The following ASCC3 variants were observed in gnomAD, a reference collection of about 807,000 sequenced individuals.
ASCC3 encodes the protein activating signal cointegrator 1 complex subunit 3.
In ASCC3, 158 loss-of-function variants were observed where a neutral mutation model predicts 256.3. The ratio of observed to expected loss-of-function variants is 0.62; its 90% confidence interval spans 0.54 to 0.70. The LOEUF is 0.70. Among genes scored for constraint, ASCC3 ranks in the 30% least tolerant of loss-of-function variants. The probability of loss-of-function intolerance (pLI) is 0.00; values close to 1 mark genes in which losing one functional copy is unlikely to be tolerated. For missense variants in ASCC3, 2,259 were observed against 2,626.0 expected (o/e 0.86, Z 3.05); for synonymous variants, 948 against 883.4 (o/e 1.07, Z -1.30).
rs1166640375 is a variant in ASCC3, at chr6:100,516,220, G to C, written c.6035C>G (p.Ser2012Cys). 6.2e-7 allele frequency: 1 copy of C among 1,613,478 alleles called. No homozygotes were observed. The highest frequency in any genetic ancestry group is 1.1e-5 in the South Asian group (1 of 91,050). Residue 2012 changes from serine to cysteine, a missense_variant, in exon 39 of 42, where the codon TCC becomes TGC. This residue lies in a region of ASCC3 where 1,839 missense variants were observed against 2,206.7 expected (regional missense o/e 0.83). Coordinates refer to ENST00000369162, the MANE Select transcript of ASCC3 (RefSeq NM_006828.4). ...AGCATGTAGCTCACTTTCTACCATG[G>C]AGCTAAATACATGGTCTTTCCCTCC... ...ACGGKDHVFS[S>C]MVESELHAAK... is the part of the protein sequence containing the mutation.
At chr6:100,600,205 G>A (rs28670152) in intron 34 of ASCC3, among the ~76,000 whole-genome samples, 9 of 145,872 alleles carry the variant, frequency 6.2e-5, no homozygotes, top group South Asian at 2.2e-4. Context: ...ACATGCACAT[G>A]CACACACACA....
chr6:100,815,304 T>C (rs971630596), intron 4 of ASCC3, among the ~76,000 whole-genome samples: 4 of 152,108 alleles, frequency 2.6e-5, no homozygotes, highest in Admixed American at 1.3e-4. Context: ...TGCTCATGGA[T>C]TGGAAGAATC....
intron 10 of ASCC3, among the ~76,000 whole-genome samples, chr6:100,751,287 A>C (rs1780926336): frequency 6.6e-6 from 1 of 152,050 alleles, no homozygotes; most frequent in Non-Finnish European, 1.5e-5. Context: ...AATTAAATTA[A>C]ATTTCTATCA....
intron 13 of ASCC3, among the ~76,000 whole-genome samples, chr6:100,684,964 G>A (rs1418084706): frequency 2.0e-5 from 3 of 151,854 alleles, no homozygotes; most frequent in South Asian, 4.2e-4. Context: ...CCGCCACCAC[G>A]CCCGGCTAAT....
chr6:100,549,543 T>G (rs1025690765), intron 36 of ASCC3, among the ~76,000 whole-genome samples: 3 of 151,896 alleles, frequency 2.0e-5, no homozygotes, highest in African/African-American at 7.2e-5. Flanking sequence ...AAGACAGTGC[T>G]ATTATTCTTG....
intron 8 of ASCC3, among the ~76,000 whole-genome samples, chr6:100,769,179 G>C (rs946816313): frequency 6.6e-6 from 1 of 151,952 alleles, no homozygotes; most frequent in Non-Finnish European, 1.5e-5. Context: ...TCATCTCATC[G>C]AAGTAGAGAG....
At chr6:100,698,097 A>G (rs1270528393) in intron 13 of ASCC3, among the ~76,000 whole-genome samples, 2 of 152,128 alleles carry the variant, frequency 1.3e-5, no homozygotes, top group East Asian at 1.9e-4. Flanking sequence ...ATTTGCAAGG[A>G]GGAAACTGAA....
rs1170975680 is a variant in ASCC3, at chr6:100,638,825, A to G, written c.3902-4T>C. 6.2e-7 allele frequency: 1 copy of G among 1,613,064 alleles called. No individual in the cohort carries two copies. Among genetic ancestry groups the G allele is most frequent in the Non-Finnish European group, 8.5e-7 (1 of 1,179,144 alleles). On this transcript the variant is annotated splice_polypyrimidine_tract_variant and splice_region_variant and intron_variant, in intron 24 of 41. Coordinates refer to ENST00000369162, the MANE Select transcript of ASCC3 (RefSeq NM_006828.4). ...AAAGGCTGAAGATCCAGTAATTCTG[A>G]AAAGACCCAACAGGATGGCTATACG...
intron 24 of ASCC3, among the ~76,000 whole-genome samples, chr6:100,641,021 A>T (rs1037667670): frequency 6.6e-6 from 1 of 152,178 alleles, no homozygotes; most frequent in African/African-American, 2.4e-5. Flanking sequence ...CTATAAATTA[A>T]GGCCCTCTTA....
intron 13 of ASCC3, among the ~76,000 whole-genome samples, chr6:100,702,629 G>T (rs1157359446): frequency 1.3e-5 from 2 of 152,064 alleles, no homozygotes; most frequent in Non-Finnish European, 2.9e-5. Context: ...GGTAGAGAAG[G>T]AAAATGCTAT....
intron 30 of ASCC3, among the ~76,000 whole-genome samples, chr6:100,615,175 C>T (rs1028616900): frequency 6.6e-6 from 1 of 152,058 alleles, no homozygotes; most frequent in Non-Finnish European, 1.5e-5. Flanking sequence ...GCCACCACAC[C>T]TGGGCCAGGC....
intron 10 of ASCC3, among the ~76,000 whole-genome samples, chr6:100,736,911 G>A (rs1053611537): frequency 2.6e-4 from 39 of 152,178 alleles, no homozygotes; most frequent in African/African-American, 9.4e-4. Context: ...ACTTTGGGAG[G>A]CTGAGGCAGG....
intron 22 of ASCC3, among the ~76,000 whole-genome samples, chr6:100,645,040 C>A (rs560906291): frequency 6.6e-6 from 1 of 152,270 alleles, no homozygotes; most frequent in African/African-American, 2.4e-5. Context: ...TCGTCCTTAA[C>A]TCAGCTTGAG....
intron 4 of ASCC3, among the ~76,000 whole-genome samples, chr6:100,815,038 T>C (rs1562316425): frequency 6.6e-6 from 1 of 152,086 alleles, no homozygotes; most frequent in South Asian, 2.1e-4. Flanking sequence ...GGTTGTTAAA[T>C]TGAGATCTTT....
intron 40 of ASCC3, among the ~76,000 whole-genome samples, chr6:100,510,978 A>AT (rs949302375): frequency 5.3e-5 from 8 of 152,160 alleles, no homozygotes; most frequent in African/African-American, 1.9e-4. Flanking sequence ...AAATTAAGAG[A>AT]TTTTCTGGCA....
chr6:100,656,628 A>T (rs908194340), intron 16 of ASCC3, among the ~76,000 whole-genome samples: 3 of 151,554 alleles, frequency 2.0e-5, no homozygotes, highest in Admixed American at 6.6e-5. Context: ...TCAAAGGTTA[A>T]TAATTTAAAA....
chr6:100,537,870 C>T (rs1009965025), intron 37 of ASCC3, among the ~76,000 whole-genome samples: 3 of 150,270 alleles, frequency 2.0e-5, no homozygotes. Flanking sequence ...TTATCCCAGA[C>T]ACTGTATATA....
At chr6:100,644,215 T>C (rs1214051254) in intron 22 of ASCC3, 86 bp from the exon 23 acceptor site, 6 of 874,276 alleles carry the variant, frequency 6.9e-6, no homozygotes, top group Admixed American at 5.2e-5. Context: ...AGAAGCTTTA[T>C]TGATATATCA....
In ASCC3 at chr6:100,852,737, A is replaced by T. The variant is rs1008404770; in HGVS notation, c.242-4030T>A. Among the ~76,000 whole-genome samples, 39 of 152,220 alleles carry T rather than the reference A, an allele frequency of 2.6e-4. 2 individuals are homozygous for T. Among genetic ancestry groups the T allele is most frequent in the Admixed American group, 1.5e-3 (23 of 15,280 alleles). Reference sequence around the variant, plus strand: ...TAAAACTTAAGAACTCCAAACTTTTAAAGAAGGTACTCTAGAAACCTACAT... The same window carrying T: ...TAAAACTTAAGAACTCCAAACTTTTTAAGAAGGTACTCTAGAAACCTACAT... On this transcript the variant is annotated intron_variant, in intron 3 of 41. Transcript: ENST00000369162.
Sources: allele counts gnomAD v4.1 joint callset (sites outside exome capture counted in the v4.1 genomes callset), GRCh38; gene constraint gnomAD v4.1.1; regional missense constraint gnomAD v4.1.1; transcripts MANE v1.5; gene names NCBI Gene and HGNC (gene_info 2026-07-23, HGNC 2026-07-21).